The following RAVER2 variants were observed in gnomAD, a reference collection of about 807,000 sequenced individuals.
The protein encoded by RAVER2 is ribonucleoprotein PTB-binding 2.
RAVER2 carries 46 observed loss-of-function variants against 78.1 expected under a neutral mutation model. The ratio of observed to expected loss-of-function variants is 0.59; its 90% CI spans 0.46 to 0.75. RAVER2 has a LOEUF of 0.75. Ranked by LOEUF, RAVER2 falls within the 30% of genes least tolerant of loss-of-function variation. The probability of loss-of-function intolerance (pLI) is 0.00; values close to 1 mark genes in which losing one functional copy is unlikely to be tolerated. For missense variants in RAVER2, 793 were observed against 837.5 expected (o/e 0.95, Z 0.66); for synonymous variants, 311 against 313.3 (o/e 0.99, Z 0.08).
At chr1:64,769,122 G>T (rs1247723352) in intron 2 of RAVER2, among the ~76,000 whole-genome samples, 1 of 151,958 alleles carries the variant, frequency 6.6e-6, no homozygotes, top group African/African-American at 2.4e-5. Flanking sequence ...TAAAAAACTA[G>T]ATTATTTCCT....
chr1:64,764,710 A>T (rs1413300194), intron 1 of RAVER2, among the ~76,000 whole-genome samples: 1 of 152,216 alleles, frequency 6.6e-6, no homozygotes, highest in Non-Finnish European at 1.5e-5. Context: ...AAGACTGTGG[A>T]GGCTGGCAAG....
chr1:64,759,619 C>T lies in RAVER2; in HGVS notation c.250-9037C>T, dbSNP rs1422021021. Among the ~76,000 whole-genome samples the T allele has an allele frequency of 3.3e-5, 5 of 150,554 alleles. No homozygotes were observed. In the East Asian group the frequency reaches 9.9e-4, roughly 30 times the overall value. On this transcript the variant is annotated intron_variant, in intron 1 of 11. Transcript: ENST00000294428. ...GCAAGCTTTGCCTCCCGGGTTCACG[C>T]CATCTTCCTGCCTCAGCCTCCCGAG...
chr1:64,757,736 C>T (rs575302657), intron 1 of RAVER2, among the ~76,000 whole-genome samples: 6 of 152,220 alleles, frequency 3.9e-5, no homozygotes, highest in African/African-American at 1.4e-4. Context: ...CTCTCAGGTC[C>T]TCTTAGTAGA....
intron 11 of RAVER2, among the ~76,000 whole-genome samples, chr1:64,828,177 A>G (rs987118127): frequency 1.6e-5 from 1 of 63,286 alleles, no homozygotes. Context: ...CCCCCCGCCC[A>G]TTTTCCTTGT....
exon 3 of RAVER2, chr1:64,777,670 A>T (rs988152305): frequency 6.2e-7 from 1 of 1,613,814 alleles, no homozygotes; most frequent in Non-Finnish European, 8.5e-7. Flanking sequence ...CGCAATTCAG[A>T]TGTTTCATCA....
intron 11 of RAVER2, among the ~76,000 whole-genome samples, chr1:64,820,503 A>G (rs954232424): frequency 2.6e-5 from 4 of 152,116 alleles, no homozygotes; most frequent in African/African-American, 9.7e-5. Context: ...ATATTATTTC[A>G]TCACCGAGGT....
chr1:64,763,159 A>T (rs536081290), intron 1 of RAVER2, among the ~76,000 whole-genome samples: 21 of 152,080 alleles, frequency 1.4e-4, no homozygotes, highest in East Asian at 3.9e-4. Flanking sequence ...TATACGGGTG[A>T]GGTGGCTGGC....
intron 5 of RAVER2, among the ~76,000 whole-genome samples, chr1:64,801,637 A>C (rs1425589903): frequency 6.6e-6 from 1 of 151,372 alleles, no homozygotes; most frequent in Non-Finnish European, 1.5e-5. Flanking sequence ...TGGGAGGCCA[A>C]GGCAGGTGGA....
At chr1:64,783,059 C>T (rs1293484699) in intron 4 of RAVER2, among the ~76,000 whole-genome samples, 2 of 152,188 alleles carry the variant, frequency 1.3e-5, no homozygotes, top group African/African-American at 4.8e-5. Context: ...AGGACATGAA[C>T]TCATCCTTTT....
At chr1:64,817,846 A>G (rs1188218812) in intron 11 of RAVER2, among the ~76,000 whole-genome samples, 1 of 152,152 alleles carries the variant, frequency 6.6e-6, no homozygotes, top group East Asian at 1.9e-4. Flanking sequence ...GCACATGTAT[A>G]CCTATGTAAC....
intron 11 of RAVER2, among the ~76,000 whole-genome samples, chr1:64,825,854 C>T (rs985516592): frequency 6.6e-5 from 10 of 151,884 alleles, no homozygotes; most frequent in Admixed American, 2.6e-4. Flanking sequence ...TTTTAAAATC[C>T]AAGAATAAAA....
intron 2 of RAVER2, among the ~76,000 whole-genome samples, chr1:64,773,192 T>A (rs1041823123): frequency 4.6e-5 from 7 of 151,402 alleles, no homozygotes; most frequent in African/African-American, 1.5e-4. Context: ...AGTATTAGGA[T>A]TTTTTTTTAA....
At chr1:64,756,020 C>G (rs1052792365) in intron 1 of RAVER2, among the ~76,000 whole-genome samples, 8 of 152,076 alleles carry the variant, frequency 5.3e-5, no homozygotes, top group Non-Finnish European at 1.0e-4. Flanking sequence ...TCCTCAGATG[C>G]ATTTAAGCTT....
chr1:64,799,553 A>G (rs546527736), intron 5 of RAVER2, among the ~76,000 whole-genome samples: 18 of 151,998 alleles, frequency 1.2e-4, no homozygotes, highest in African/African-American at 4.1e-4. Context: ...AGCGATTCTC[A>G]TGCCTCAGCC....
chr1:64,825,942 A>C (rs920603205), intron 11 of RAVER2, among the ~76,000 whole-genome samples: 1 of 152,248 alleles, frequency 6.6e-6, no homozygotes, highest in Non-Finnish European at 1.5e-5. Flanking sequence ...TAAAAGAGCC[A>C]ACTAATTTGA....
intron 1 of RAVER2, among the ~76,000 whole-genome samples, chr1:64,757,111 G>A (rs780928876): frequency 1.3e-5 from 2 of 152,224 alleles, no homozygotes; most frequent in Non-Finnish European, 2.9e-5. Flanking sequence ...ATTAATTCCA[G>A]CATACACTTA....
At chr1:64,781,277 C>A in intron 3 of RAVER2, 103 bp from the exon 4 acceptor site, 1 of 1,043,584 alleles carries the variant, frequency 9.6e-7, no homozygotes, top group Non-Finnish European at 1.3e-6. Flanking sequence ...CCACCAGTAT[C>A]ATGCTCCAAT....
At chr1:64,795,960 G>A (rs907697729) in intron 5 of RAVER2, among the ~76,000 whole-genome samples, 11 of 151,640 alleles carry the variant, frequency 7.3e-5, no homozygotes, top group African/African-American at 1.7e-4. Context: ...ATTAAGCTGC[G>A]GAATTTACCA....
intron 3 of RAVER2, among the ~76,000 whole-genome samples, chr1:64,780,690 A>G (rs1652602906): frequency 6.6e-6 from 1 of 152,028 alleles, no homozygotes; most frequent in Non-Finnish European, 1.5e-5. Context: ...TCTTGTTCTT[A>G]TTTTTGCTCT....
Sources: allele counts gnomAD v4.1 joint callset (sites outside exome capture counted in the v4.1 genomes callset), GRCh38; gene constraint gnomAD v4.1.1; transcripts MANE v1.5; gene names NCBI Gene and HGNC (gene_info 2026-07-23, HGNC 2026-07-21).